MAF: variants seen among roughly 807,000 people sequenced by gnomAD.
MAF encodes transcription factor Maf.
MAF carries 10 observed loss-of-function variants against 22.0 expected under a neutral mutation model. The ratio of observed to expected loss-of-function variants is 0.45; its 90% CI spans 0.28 to 0.77. The LOEUF is 0.77. MAF is among the 30% of genes least tolerant of loss of function. The pLI is 0.12. For synonymous variants in MAF, 337 were observed against 255.8 expected (o/e 1.32, Z -3.03); for missense variants, 544 against 548.4 (o/e 0.99, Z 0.08).
At chr16:79,434,712 C>A in the MAF span, among the ~76,000 whole-genome samples, 1 of 151,780 alleles carries the variant, frequency 6.6e-6, no homozygotes, top group East Asian at 1.9e-4. Context: ...CATCATCATT[C>A]ATACATATTT....
chr16:79,208,240 C>T, the MAF span, among the ~76,000 whole-genome samples: 2 of 152,138 alleles, frequency 1.3e-5, no homozygotes, highest in Admixed American at 6.5e-5. Context: ...TAAAAAGATT[C>T]TTCTGGGCTT....
chr16:79,495,826 C>T, the MAF span, among the ~76,000 whole-genome samples: 3 of 152,148 alleles, frequency 2.0e-5, no homozygotes, highest in Non-Finnish European at 4.4e-5. Context: ...ATTTGAGCAC[C>T]AGCCACACGT....
At chr16:79,351,428 G>C in the MAF span, among the ~76,000 whole-genome samples, 1 of 152,206 alleles carries the variant, frequency 6.6e-6, no homozygotes, top group Non-Finnish European at 1.5e-5. Context: ...GCTTGCGGGA[G>C]AGAGGTTTTA....
the MAF span, among the ~76,000 whole-genome samples, chr16:79,351,915 C>G: frequency 3.9e-5 from 6 of 152,218 alleles, no homozygotes; most frequent in African/African-American, 9.6e-5. Context: ...TGCAATGACA[C>G]CGAAAAAGCC....
chr16:79,377,969 C>G, the MAF span, among the ~76,000 whole-genome samples: 1 of 152,098 alleles, frequency 6.6e-6, no homozygotes, highest in Admixed American at 6.5e-5. Context: ...CATGATGCCT[C>G]CAGCTTTGTT....
the MAF span, among the ~76,000 whole-genome samples, chr16:79,233,924 G>A: frequency 6.6e-6 from 1 of 151,564 alleles, no homozygotes; most frequent in African/African-American, 2.4e-5. Flanking sequence ...TATGGGAGGC[G>A]GAGGTTGCGG....
At chr16:79,329,160 C>A in the MAF span, among the ~76,000 whole-genome samples, 6 of 151,818 alleles carry the variant, frequency 4.0e-5, no homozygotes, top group African/African-American at 9.7e-5. Flanking sequence ...CAAGAAACAC[C>A]AGGGCACATT....
the MAF span, among the ~76,000 whole-genome samples, chr16:79,564,488 T>G: frequency 6.6e-6 from 1 of 152,192 alleles, no homozygotes; most frequent in Non-Finnish European, 1.5e-5. Flanking sequence ...TAATACATCT[T>G]TGAGCCTGAT....
At chr16:79,299,363 GA>G in the MAF span, among the ~76,000 whole-genome samples, 3 of 143,826 alleles carry the variant, frequency 2.1e-5, no homozygotes, top group African/African-American at 2.6e-5. Context: ...AAAAAAAAAA[GA>G]AAAAAAACAA....
At chr16:79,277,244 C>G in the MAF span, among the ~76,000 whole-genome samples, 1 of 152,134 alleles carries the variant, frequency 6.6e-6, no homozygotes, top group Non-Finnish European at 1.5e-5. Context: ...CTGATTACAT[C>G]TGCAAAGACC....
the MAF span, among the ~76,000 whole-genome samples, chr16:79,313,335 G>A: frequency 6.6e-6 from 1 of 152,088 alleles, no homozygotes; most frequent in Non-Finnish European, 1.5e-5. Context: ...GGAGCACAAG[G>A]GCTTTTCTGA....
chr16:79,422,610 A>G, the MAF span, among the ~76,000 whole-genome samples: 1 of 152,128 alleles, frequency 6.6e-6, no homozygotes, highest in East Asian at 1.9e-4. Context: ...CGTCCCTGGT[A>G]TATACTTAGT....
the MAF span, among the ~76,000 whole-genome samples, chr16:79,227,291 C>T: frequency 6.6e-6 from 1 of 152,066 alleles, no homozygotes; most frequent in Admixed American, 6.6e-5. Context: ...GTCAAGACTG[C>T]AGTGAGCCTT....
the MAF span, among the ~76,000 whole-genome samples, chr16:79,476,633 C>G: frequency 6.6e-6 from 1 of 152,144 alleles, no homozygotes; most frequent in Non-Finnish European, 1.5e-5. Context: ...GGAGGATTCA[C>G]TCCTAAGAAA....
the MAF span, among the ~76,000 whole-genome samples, chr16:79,339,077 T>A: frequency 6.6e-6 from 1 of 152,014 alleles, no homozygotes. Context: ...TTTTAATTTA[T>A]TTTTTATTTT....
the MAF span, among the ~76,000 whole-genome samples, chr16:79,216,313 A>G: frequency 1.3e-5 from 2 of 151,850 alleles, no homozygotes; most frequent in African/African-American, 4.8e-5. Flanking sequence ...TATAACACAT[A>G]TATGTGGCAC....
chr16:79,284,120 T>C, the MAF span, among the ~76,000 whole-genome samples: 2 of 152,198 alleles, frequency 1.3e-5, no homozygotes, highest in African/African-American at 4.8e-5. Context: ...ATTGCTGGTA[T>C]TAAGTGGCGA....
At chr16:79,242,350 C>G in the MAF span, among the ~76,000 whole-genome samples, 2 of 148,438 alleles carry the variant, frequency 1.3e-5, no homozygotes, top group Non-Finnish European at 3.0e-5. Flanking sequence ...GGAACATTTA[C>G]CAAGCAAATG....
the MAF span, among the ~76,000 whole-genome samples, chr16:79,420,736 A>C: frequency 6.6e-6 from 1 of 152,204 alleles, no homozygotes; most frequent in Non-Finnish European, 1.5e-5. Flanking sequence ...GCAGTACAAT[A>C]AGATATTTTG....
Sources: gnomAD v4.1 joint callset for allele counts (sites outside exome capture counted in the v4.1 genomes callset) on GRCh38, gnomAD v4.1.1 for gene constraint, MANE v1.5 for transcripts, NCBI Gene and HGNC (gene_info 2026-07-23, HGNC 2026-07-21) for gene names.